Variants in SLC35F4 observed in about 807,000 individuals in gnomAD.
The protein encoded by SLC35F4 is solute carrier family 35 member F4.
In SLC35F4, 24 loss-of-function variants were observed where a neutral mutation model predicts 44.2. That is an observed-to-expected ratio of 0.54 (90% CI 0.39 to 0.76). The LOEUF (loss-of-function observed/expected upper bound fraction) is 0.76, where lower values mean the gene tolerates loss of function less well. Ranked by LOEUF, SLC35F4 falls within the 30% of genes least tolerant of loss-of-function variation. The pLI is 0.00. For missense variants in SLC35F4, 562 were observed against 586.1 expected (o/e 0.96, Z 0.42); for synonymous variants, 238 against 223.6 (o/e 1.06, Z -0.57).
At chr14:57,659,846 C>A (rs1418377627) in intron 1 of SLC35F4, among the ~76,000 whole-genome samples, 1 of 152,138 alleles carries the variant, frequency 6.6e-6, no homozygotes, top group Non-Finnish European at 1.5e-5. Context: ...GCAATATAAT[C>A]ATTTTTAAAG....
At chr14:57,749,376 C>A (rs568259770) in intron 1 of SLC35F4, among the ~76,000 whole-genome samples, 4 of 152,206 alleles carry the variant, frequency 2.6e-5, no homozygotes, top group East Asian at 3.9e-4. Context: ...ATTAATGTGA[C>A]ATCCAAGTGA....
rs372869585 is a variant in SLC35F4, at chr14:57,798,836, G to T, written c.103+66887C>A. On this transcript the variant is annotated intron_variant, in intron 1 of 7. Transcript: ENST00000556826. ...TAAATGCAGCAAGGTCTTAGGTTTA[G>T]CAGCTTAGTTCTGTTTAAAAACTAG... Among the ~76,000 whole-genome samples, 15 of 152,294 alleles carry T rather than the reference G, an allele frequency of 9.8e-5. No homozygotes were observed. The East Asian group carries it at 2.3e-3, about 23-fold the overall frequency.
intron 1 of SLC35F4, among the ~76,000 whole-genome samples, chr14:57,622,068 T>C (rs976905642): frequency 2.0e-5 from 3 of 148,256 alleles, no homozygotes; most frequent in African/African-American, 5.0e-5. Context: ...CATGAAAAAA[T>C]GCTCGCCATC....
chr14:57,730,030 C>G (rs1437265590), intron 1 of SLC35F4, among the ~76,000 whole-genome samples: 2 of 152,194 alleles, frequency 1.3e-5, no homozygotes, highest in South Asian at 4.1e-4. Flanking sequence ...TTCCTGTGCC[C>G]TCCCTCCCCA....
At position 57,743,650 on chromosome 14, in the gene SLC35F4, A is replaced by G. The variant is rs959185626; in HGVS notation, c.103+122073T>C. On this transcript the variant is annotated intron_variant, in intron 1 of 7. Transcript: ENST00000556826. ...CAGCCGAATTCTACCAGAGGTACAAAGAGGAGCTGGTACCATTCCTTCTGA... is the reference window on the plus strand; with the variant it reads ...CAGCCGAATTCTACCAGAGGTACAAGGAGGAGCTGGTACCATTCCTTCTGA... 8.5e-5 allele frequency among the ~76,000 whole-genome samples: 13 copies of G among 152,308 alleles called. No individual in the cohort carries two copies. In the South Asian group the frequency reaches 1.2e-3, roughly 15 times the overall value.
chr14:57,631,061 A>C (rs1256195653), intron 1 of SLC35F4: 2 of 165,598 alleles, frequency 1.2e-5, no homozygotes, highest in Non-Finnish European at 2.5e-5. Context: ...GTAGCTTGTT[A>C]ATAAGAATGA....
intron 1 of SLC35F4, among the ~76,000 whole-genome samples, chr14:57,842,862 C>A (rs1308144763): frequency 1.3e-5 from 2 of 152,040 alleles, no homozygotes; most frequent in African/African-American, 4.8e-5. Flanking sequence ...AGAGACCCAC[C>A]CTCAATCTGG....
intron 1 of SLC35F4, among the ~76,000 whole-genome samples, chr14:57,902,563 CAAA>C (rs36099939): frequency 1.6e-5 from 2 of 128,000 alleles, no homozygotes; most frequent in Non-Finnish European, 3.4e-5. Flanking sequence ...AACTCAGTCT[CAAA>C]AAAAAAAAAA....
At chr14:57,894,621 T>C (rs1415374089) in intron 1 of SLC35F4, among the ~76,000 whole-genome samples, 1 of 152,174 alleles carries the variant, frequency 6.6e-6, no homozygotes, top group East Asian at 1.9e-4. Flanking sequence ...TTGTGTACTT[T>C]TCTATAAATA....
chr14:57,973,443 C>A (rs925274960), downstream of SLC35F4, among the ~76,000 whole-genome samples: 2 of 152,088 alleles, frequency 1.3e-5, no homozygotes, highest in African/African-American at 4.8e-5. Context: ...ACCTTCTTCC[C>A]AAAATTATAA....
intron 1 of SLC35F4, among the ~76,000 whole-genome samples, chr14:57,809,444 G>A (rs1876395760): frequency 6.6e-6 from 1 of 152,096 alleles, no homozygotes; most frequent in African/African-American, 2.4e-5. Context: ...CTGTGCAGTG[G>A]CTAGAAGAAG....
intron 1 of SLC35F4, among the ~76,000 whole-genome samples, chr14:57,965,616 C>T (rs1207553532): frequency 6.6e-6 from 1 of 152,126 alleles, no homozygotes; most frequent in Non-Finnish European, 1.5e-5. Context: ...AAATAACGTC[C>T]ACTCTGAAGA....
chr14:57,881,397 T>C (rs28377471), intron 1 of SLC35F4, among the ~76,000 whole-genome samples: 12,547 of 152,178 alleles, frequency 0.082, 747 homozygotes, highest in African/African-American at 0.17. Flanking sequence ...AAGCAACATA[T>C]ATATTTTAAA....
In SLC35F4 at chr14:57,735,556, A is replaced by G. The variant is rs190653327; in HGVS notation, c.103+130167T>C. Among the ~76,000 whole-genome samples, 89 of 152,298 alleles carry G rather than the reference A, an allele frequency of 5.8e-4. 2 individuals are homozygous for G. In the East Asian group the frequency reaches 7.5e-3, roughly 13 times the overall value. ...CTTACCACTTAGCCTCCAGCATGCT[A>G]GACTAGCTTTCCCACATGACTGTCT... is the stretch of plus-strand genomic sequence containing the variant. On this transcript the variant is annotated intron_variant, in intron 1 of 7. Coordinates refer to ENST00000556826, the MANE Select transcript of SLC35F4 (RefSeq NM_001306087.2).
intron 1 of SLC35F4, among the ~76,000 whole-genome samples, chr14:57,956,868 C>T (rs1476172004): frequency 7.2e-5 from 11 of 152,004 alleles, no homozygotes; most frequent in African/African-American, 2.2e-4. Context: ...TCAACCATTG[C>T]GGAAGATAGT....
intron 1 of SLC35F4, among the ~76,000 whole-genome samples, chr14:57,979,915 T>C (rs1051829945): frequency 6.6e-5 from 10 of 152,238 alleles, no homozygotes; most frequent in African/African-American, 2.4e-4. Context: ...CCATGGAAAA[T>C]AGTAAATGTC....
chr14:57,609,482 G>C (rs925339621), intron 1 of SLC35F4, among the ~76,000 whole-genome samples: 3 of 152,154 alleles, frequency 2.0e-5, no homozygotes, highest in Non-Finnish European at 2.9e-5. Flanking sequence ...TAAAGTATTT[G>C]TTCTGTTCCT....
At chr14:57,582,348 A>G (rs2069344392) in intron 3 of SLC35F4, among the ~76,000 whole-genome samples, 1 of 152,052 alleles carries the variant, frequency 6.6e-6, no homozygotes. Context: ...GGCACGCACC[A>G]CCATGCCAGG....
chr14:57,888,337 AGTAAAG>A (rs757568585), intron 1 of SLC35F4, among the ~76,000 whole-genome samples: 2 of 152,222 alleles, frequency 1.3e-5, no homozygotes, highest in Non-Finnish European at 2.9e-5. Context: ...TCAACAGGGT[AGTAAAG>A]AGGACTTCCA....
Sources: allele counts gnomAD v4.1 joint callset (sites outside exome capture counted in the v4.1 genomes callset), GRCh38; gene constraint gnomAD v4.1.1; transcripts MANE v1.5; gene names NCBI Gene and HGNC (gene_info 2026-07-23, HGNC 2026-07-21).